Variants in CSMD1 observed in about 807,000 individuals in gnomAD.
CSMD1 encodes CUB and sushi domain-containing protein 1.
Under a neutral mutation model 417.5 loss-of-function variants are expected in CSMD1, and 213 were observed. That is an observed-to-expected ratio of 0.51 (90% CI 0.46 to 0.57). The LOEUF (loss-of-function observed/expected upper bound fraction) is 0.57, where lower values mean the gene tolerates loss of function less well. CSMD1 is among the 20% of genes least tolerant of loss of function. The pLI is 0.00. For missense variants in CSMD1, 6,923 were observed against 4,529.7 expected (o/e 1.53, Z -15.17); for synonymous variants, 2,862 against 1,736.8 (o/e 1.65, Z -16.11).
intron 1 of CSMD1, among the ~76,000 whole-genome samples, chr8:4,793,680 G>C (rs774417033): frequency 6.6e-6 from 1 of 152,072 alleles, no homozygotes; most frequent in Non-Finnish European, 1.5e-5. Context: ...CTCAGGAGAA[G>C]AAAGTGTACA....
chr8:3,699,898 ATATCCCATAACTACATCCCTGGG>A (rs1563286172), intron 7 of CSMD1, among the ~76,000 whole-genome samples: 1 of 131,180 alleles, frequency 7.6e-6, no homozygotes, highest in East Asian at 2.6e-4. Flanking sequence ...TCCCTGGGTT[ATATCCCATAACTACATCCCTGGG>A]TTATATCCCA....
intron 29 of CSMD1, among the ~76,000 whole-genome samples, chr8:3,219,047 CCT>C (rs1798050080): frequency 3.3e-5 from 5 of 151,886 alleles, no homozygotes; most frequent in Admixed American, 6.6e-5. Context: ...GTTTTTTTCC[CCT>C]CTCTTTCTTC....
intron 11 of CSMD1, among the ~76,000 whole-genome samples, chr8:3,476,086 T>C (rs1243283438): frequency 6.6e-6 from 1 of 152,212 alleles, no homozygotes; most frequent in African/African-American, 2.4e-5. Context: ...CTCATGCCTG[T>C]AATCCCAGCA....
chr8:4,244,035 G>A (rs904589541), intron 3 of CSMD1, among the ~76,000 whole-genome samples: 1 of 152,200 alleles, frequency 6.6e-6, no homozygotes, highest in Admixed American at 6.5e-5. Context: ...CCTGGCTGCA[G>A]GCTCTTTGTT....
chr8:4,257,361 T>C (rs1347094827), intron 3 of CSMD1, among the ~76,000 whole-genome samples: 1 of 152,196 alleles, frequency 6.6e-6, no homozygotes, highest in African/African-American at 2.4e-5. Flanking sequence ...AATAATTTTC[T>C]CCTTTAGAAA....
At chr8:3,514,945 G>C (rs1022941567) in intron 10 of CSMD1, among the ~76,000 whole-genome samples, 3 of 151,994 alleles carry the variant, frequency 2.0e-5, no homozygotes, top group Admixed American at 6.6e-5. Context: ...TATTTGAATT[G>C]ATAAATATTA....
At chr8:3,792,142 C>A (rs1054868867) in intron 5 of CSMD1, among the ~76,000 whole-genome samples, 1 of 152,050 alleles carries the variant, frequency 6.6e-6, no homozygotes, top group South Asian at 2.1e-4. Flanking sequence ...AAAAGTTGAA[C>A]AATTAGCCAG....
chr8:2,938,511 A>G lies in CSMD1; in HGVS notation c.*74T>C. ...AAGCCAGAGTGGAAGGGAGAGTGGT[A>G]TATGGCACCAAAGGAATCACTGCTT... On this transcript the variant is annotated 3_prime_UTR_variant, in exon 70 of 70. Transcript: ENST00000635120. 1 of 1,417,102 alleles carries G rather than the reference A, an allele frequency of 7.1e-7. No homozygotes were observed. The highest frequency in any genetic ancestry group is 9.7e-7 in the Non-Finnish European group (1 of 1,035,276). The allele number at this position is 1,417,102 out of a possible 1,614,324, so 87.8% of individuals were successfully genotyped here.
rs576023149 is a variant in CSMD1 at position 4,642,824 on chromosome 8, T to A, written c.86-5266A>T. ...AAAACCTCTGTCTGAGAGCAAATGT[T>A]TGGACATCAAAGATATTTTGACATG... On this transcript the variant is annotated intron_variant, in intron 1 of 69. Transcript: ENST00000635120. Among the ~76,000 whole-genome samples the A allele has an allele frequency of 4.0e-4, 61 of 152,324 alleles. No individual in the cohort carries two copies. The South Asian group carries it at 5.2e-3, about 13-fold the overall frequency.
chr8:4,422,533 C>A (rs776280497), intron 2 of CSMD1, among the ~76,000 whole-genome samples: 3 of 152,046 alleles, frequency 2.0e-5, no homozygotes, highest in Admixed American at 1.3e-4. Flanking sequence ...GAGCATGGAA[C>A]AGGAAGGATG....
intron 3 of CSMD1, among the ~76,000 whole-genome samples, chr8:4,116,718 C>T (rs780259394): frequency 6.6e-6 from 1 of 151,956 alleles, no homozygotes; most frequent in South Asian, 2.1e-4. Context: ...TGCAGCAGGG[C>T]AGGTGTTGCT....
chr8:3,602,255 T>A (rs1397973423), intron 8 of CSMD1, among the ~76,000 whole-genome samples: 1 of 152,146 alleles, frequency 6.6e-6, no homozygotes, highest in Non-Finnish European at 1.5e-5. Flanking sequence ...TGGAGTGTGT[T>A]TAATTGCACA....
At chr8:4,697,642 G>A (rs1259969288) in intron 1 of CSMD1, among the ~76,000 whole-genome samples, 3 of 152,126 alleles carry the variant, frequency 2.0e-5, no homozygotes, top group Non-Finnish European at 4.4e-5. Context: ...ATTAAGCAGG[G>A]ACTGATATTA....
At chr8:4,483,772 G>C (rs1563221385) in intron 2 of CSMD1, among the ~76,000 whole-genome samples, 1 of 152,130 alleles carries the variant, frequency 6.6e-6, no homozygotes, top group African/African-American at 2.4e-5. Flanking sequence ...TTAAGAACTG[G>C]TTTACCATTT....
At chr8:4,918,085 T>C (rs1806190379) in intron 1 of CSMD1, among the ~76,000 whole-genome samples, 1 of 98,440 alleles carries the variant, frequency 1.0e-5, no homozygotes, top group Non-Finnish European at 2.0e-5. Context: ...GAGTTAGCAA[T>C]ACTTTTAAAA....
chr8:4,582,293 C>G (rs1030517512), intron 2 of CSMD1, among the ~76,000 whole-genome samples: 1 of 152,160 alleles, frequency 6.6e-6, no homozygotes, highest in African/African-American at 2.4e-5. Context: ...TAAGATAAAA[C>G]AGCTTGTTAT....
intron 12 of CSMD1, among the ~76,000 whole-genome samples, chr8:3,423,643 G>A (rs1326683140): frequency 6.6e-6 from 1 of 152,146 alleles, no homozygotes; most frequent in Non-Finnish European, 1.5e-5. Context: ...CCAGCTGATG[G>A]GCATTTGGGT....
At chr8:4,661,582 C>T (rs1804611078) in intron 1 of CSMD1, among the ~76,000 whole-genome samples, 1 of 152,048 alleles carries the variant, frequency 6.6e-6, no homozygotes, top group African/African-American at 2.4e-5. Context: ...ATCTCAATAC[C>T]TTAGCTGTGA....
rs544215618 is a variant in CSMD1 at position 4,793,805 on chromosome 8, T to C, written c.86-156247A>G. On this transcript the variant is annotated intron_variant, in intron 1 of 69. Coordinates refer to ENST00000635120, the MANE Select transcript of CSMD1 (RefSeq NM_033225.6). ...TTCTATGACAAATCATGGTCAGTGA[T>C]CTAGAAAGCAGGCCACAACCCCAGA... Among the ~76,000 whole-genome samples, 10 of 142,932 alleles carry C rather than the reference T, an allele frequency of 7.0e-5. No homozygotes were observed. In the South Asian group the frequency reaches 1.8e-3, roughly 26 times the overall value. 93.8% of individuals were successfully genotyped at this position (142,932 alleles called of 152,430 possible).
Sources: allele counts gnomAD v4.1 joint callset (sites outside exome capture counted in the v4.1 genomes callset), GRCh38; gene constraint gnomAD v4.1.1; transcripts MANE v1.5; gene names NCBI Gene and HGNC (gene_info 2026-07-23, HGNC 2026-07-21).